The following JAK1 variants were observed in gnomAD, a reference collection of about 807,000 sequenced individuals.
JAK1 encodes the protein Janus kinase 1.
Under a neutral mutation model 136.6 loss-of-function variants are expected in JAK1, and 16 were observed. The observed-to-expected ratio is 0.12, with a 90% CI of 0.08 to 0.18. The LOEUF is 0.18. Among genes scored for constraint, JAK1 ranks in the 10% least tolerant of loss-of-function variants. The pLI, the probability that JAK1 is intolerant of heterozygous loss-of-function variation, is 1.00. For synonymous variants in JAK1, 492 were observed against 519.5 expected (o/e 0.95, Z 0.72); for missense variants, 859 against 1,450.1 (o/e 0.59, Z 6.62).
Position 64,883,335 on chromosome 1 carries a change from C to T in JAK1, c.147G>A (p.Arg49=), listed in dbSNP as rs1644803856. 4.3e-6 allele frequency: 7 copies of T among 1,614,064 alleles called. No homozygotes were observed. In the Middle Eastern group the frequency reaches 6.6e-4, roughly 152 times the overall value. ...IFYLSDREPL[R]LGSGEYTAEE... is the part of the protein sequence containing the mutation. ...CTGCTGTGTACTCTCCACTGCCCAG[C>T]CGGAGGGGCTCCCTGTCCGACAGAT... Residue 49 remains arginine, a synonymous_variant, in exon 3 of 25, where the codon CGG becomes CGA. Coordinates refer to ENST00000342505, the MANE Select transcript of JAK1 (RefSeq NM_002227.4).
chr1:65,015,215 C>G (rs1646883366), intron 2 of JAK1, among the ~76,000 whole-genome samples: 1 of 152,080 alleles, frequency 6.6e-6, no homozygotes, highest in Non-Finnish European at 1.5e-5. Context: ...ATGAATAAAT[C>G]TAAACAATGC....
intron 1 of JAK1, among the ~76,000 whole-genome samples, chr1:64,912,078 C>T (rs1485647367): frequency 1.3e-5 from 2 of 152,176 alleles, no homozygotes; most frequent in South Asian, 2.1e-4. Context: ...GTCACTCCAT[C>T]GAGTAATTCT....
intron 1 of JAK1, among the ~76,000 whole-genome samples, chr1:64,914,572 TTTG>T (rs1485038110): frequency 6.6e-6 from 1 of 152,160 alleles, no homozygotes; most frequent in African/African-American, 2.4e-5. Context: ...ATGGTTTTGT[TTTG>T]TTTTTTTGAG....
chr1:64,905,354 G>A (rs548695950), intron 1 of JAK1, among the ~76,000 whole-genome samples: 33 of 152,312 alleles, frequency 2.2e-4, no homozygotes, highest in African/African-American at 7.2e-4. Flanking sequence ...AACGTCAACT[G>A]TATCCGATTC....
At chr1:64,994,496 T>A (rs1646685821) in intron 2 of JAK1, among the ~76,000 whole-genome samples, 1 of 152,158 alleles carries the variant, frequency 6.6e-6, no homozygotes, top group South Asian at 2.1e-4. Context: ...TTCTGCTGCA[T>A]CTTACCATGA....
At position 65,015,604 on chromosome 1, in the gene JAK1, G is replaced by A. The variant is rs768103740; in HGVS notation, c.-78+28876C>T. ...ATCAGTTAATTAAAATGAATAAAAT[G>A]TAAATGGATTAAATACTTCAGTTAA... is the stretch of plus-strand genomic sequence containing the variant. On this transcript the variant is annotated intron_variant, in intron 2 of 25. Coordinates refer to the JAK1 transcript ENST00000671954. Among the ~76,000 whole-genome samples, 11 of 152,118 alleles carry A rather than the reference G, an allele frequency of 7.2e-5. 1 individual carries two copies. Among genetic ancestry groups the A allele is most frequent in the African/African-American group, 1.9e-4 (8 of 41,438 alleles).
intron 19 of JAK1, among the ~76,000 whole-genome samples, 153 bp from the exon 20 acceptor site, chr1:64,839,948 T>C (rs894567430): frequency 3.3e-5 from 5 of 152,234 alleles, no homozygotes; most frequent in African/African-American, 1.2e-4. Context: ...GGACTGTACT[T>C]GCTCACTACA....
At chr1:65,051,405 C>T (rs1263555633) in intron 1 of JAK1, among the ~76,000 whole-genome samples, 2 of 152,090 alleles carry the variant, frequency 1.3e-5, no homozygotes, top group Non-Finnish European at 2.9e-5. Flanking sequence ...TAAGCTTCTA[C>T]ACTACCAATA....
At chr1:64,875,363 G>A (rs986351161) in intron 4 of JAK1, among the ~76,000 whole-genome samples, 2 of 152,230 alleles carry the variant, frequency 1.3e-5, no homozygotes, top group Admixed American at 6.5e-5. Context: ...CCCCATGGAA[G>A]ATAGAAACGG....
chr1:64,878,067 G>C (rs1244928569), intron 4 of JAK1, among the ~76,000 whole-genome samples: 2 of 152,176 alleles, frequency 1.3e-5, no homozygotes, highest in Non-Finnish European at 2.9e-5. Context: ...ATGATACTGT[G>C]AAGTCTCCGA....
intron 11 of JAK1, among the ~76,000 whole-genome samples, chr1:64,854,784 C>T (rs1229522739): frequency 1.3e-5 from 2 of 152,128 alleles, no homozygotes; most frequent in Non-Finnish European, 2.9e-5. Context: ...ACCCTAAGCT[C>T]AGCCTCACCT....
At chr1:64,834,895 G>A (rs1654374343) in intron 24 of JAK1, among the ~76,000 whole-genome samples, 1 of 152,154 alleles carries the variant, frequency 6.6e-6, no homozygotes, top group African/African-American at 2.4e-5. Flanking sequence ...TAAAATCCAG[G>A]TCATTCCTGT....
intron 2 of JAK1, among the ~76,000 whole-genome samples, chr1:64,997,245 C>T (rs1261670527): frequency 1.3e-5 from 2 of 152,032 alleles, no homozygotes; most frequent in African/African-American, 4.8e-5. Flanking sequence ...TAAAAGTAAA[C>T]GGCACAATGG....
intron 2 of JAK1, among the ~76,000 whole-genome samples, chr1:64,980,611 A>G (rs971298668): frequency 6.6e-6 from 1 of 150,884 alleles, no homozygotes; most frequent in Non-Finnish European, 1.5e-5. Context: ...TTTAGGGTAC[A>G]TGTGCACAAC....
At chr1:64,977,307 C>A (rs1206838398) in intron 2 of JAK1, among the ~76,000 whole-genome samples, 2 of 152,078 alleles carry the variant, frequency 1.3e-5, no homozygotes, top group African/African-American at 4.8e-5. Context: ...TGCCACCACA[C>A]CCAGCTAAAT....
intron 1 of JAK1, among the ~76,000 whole-genome samples, chr1:64,914,361 T>C (rs1040207070): frequency 5.3e-5 from 8 of 152,150 alleles, no homozygotes; most frequent in Non-Finnish European, 1.5e-5. Context: ...AGGTTTAAGT[T>C]AAACAATGGA....
At chr1:65,024,660 C>CAAAAAAAAACAAAAA (rs1646962776) in intron 2 of JAK1, among the ~76,000 whole-genome samples, 1 of 69,866 alleles carries the variant, frequency 1.4e-5, no homozygotes, top group African/African-American at 4.8e-5. Flanking sequence ...TGGTCCAAAG[C>CAAAAAAAAACAAAAA]AAAAAAAAAA....
chr1:64,976,097 A>C (rs1445551675), intron 2 of JAK1, among the ~76,000 whole-genome samples: 1 of 152,226 alleles, frequency 6.6e-6, no homozygotes, highest in Non-Finnish European at 1.5e-5. Flanking sequence ...GACCACGCCT[A>C]CTTTGACCCC....
At chr1:64,982,968 C>T (rs557447867) in intron 2 of JAK1, among the ~76,000 whole-genome samples, 1 of 152,232 alleles carries the variant, frequency 6.6e-6, no homozygotes, top group East Asian at 1.9e-4. Flanking sequence ...TCACCTTTTC[C>T]AGCTAAACCC....
Sources: gnomAD v4.1 joint callset for allele counts (sites outside exome capture counted in the v4.1 genomes callset) on GRCh38, gnomAD v4.1.1 for gene constraint, MANE v1.5 for transcripts, NCBI Gene and HGNC (gene_info 2026-07-23, HGNC 2026-07-21) for gene names.